The following ZNF804A variants were observed in gnomAD, a reference collection of about 807,000 sequenced individuals.
The protein encoded by ZNF804A is zinc finger protein 804A.
Under a neutral mutation model 16.5 loss-of-function variants are expected in ZNF804A, and 2 were observed. The ratio of observed to expected loss-of-function variants is 0.12; its 90% CI spans 0.05 to 0.38. The LOEUF (loss-of-function observed/expected upper bound fraction) is 0.38. ZNF804A is among the 10% of genes least tolerant of loss of function. ZNF804A has a pLI of 0.99. For missense variants in ZNF804A, 1,473 were observed against 1,390.7 expected (o/e 1.06, Z -0.94); for synonymous variants, 534 against 489.6 (o/e 1.09, Z -1.20).
At chr2:184,639,757 C>T (rs1691761953) in intron 1 of ZNF804A, among the ~76,000 whole-genome samples, 1 of 152,066 alleles carries the variant, frequency 6.6e-6, no homozygotes, top group Admixed American at 6.5e-5. Context: ...AATCCCAGCA[C>T]TTTGGGAGGC....
At chr2:184,678,862 A>C (rs1692485351) in intron 1 of ZNF804A, among the ~76,000 whole-genome samples, 1 of 152,208 alleles carries the variant, frequency 6.6e-6, no homozygotes, top group Non-Finnish European at 1.5e-5. Context: ...TATTCAGGAG[A>C]ATGCAGACAG....
rs1685826861 is a variant in ZNF804A at position 184,938,212 on chromosome 2, G to T, written c.2816G>T (p.Arg939Ile). The stretch of plus-strand genomic sequence containing the variant: ...AATACCCTGCTTGAACACAAAGAAA[G>T]AAGTGAGAATATAAATCTTAATGAA... ...IDNTLLEHKE[R>I]SENINLNEKQ... Residue 939 changes from arginine (R) to isoleucine (I), a missense_variant, in exon 4 of 4, where the codon AGA (arginine) becomes ATA (isoleucine). Physicochemically the swap from Arg to Ile is moderately conservative, Grantham distance 97. Coordinates refer to ENST00000302277, the MANE Select transcript of ZNF804A (RefSeq NM_194250.2). 6.2e-7 allele frequency: 1 copy of T among 1,613,950 alleles called. No individual in the cohort carries two copies. Among genetic ancestry groups the T allele is most frequent in the Admixed American group, 1.7e-5 (1 of 59,980 alleles).
chr2:184,913,464 T>C (rs1029479296), intron 2 of ZNF804A, among the ~76,000 whole-genome samples: 2 of 152,118 alleles, frequency 1.3e-5, no homozygotes, highest in African/African-American at 2.4e-5. Flanking sequence ...TAGCAACAAC[T>C]CCCTCAGCTC....
At chr2:184,670,040 G>A (rs1439703943) in intron 1 of ZNF804A, among the ~76,000 whole-genome samples, 1 of 152,198 alleles carries the variant, frequency 6.6e-6, no homozygotes, top group East Asian at 1.9e-4. Context: ...TGATAGCTTA[G>A]CAGTGTTAAA....
chr2:184,739,014 C>A (rs528332514), intron 1 of ZNF804A, among the ~76,000 whole-genome samples: 1 of 152,096 alleles, frequency 6.6e-6, no homozygotes, highest in African/African-American at 2.4e-5. Context: ...AAATTTTACA[C>A]GATTCTGAAA....
chr2:184,814,219 A>G (rs1694943623), intron 1 of ZNF804A, among the ~76,000 whole-genome samples: 1 of 151,880 alleles, frequency 6.6e-6, no homozygotes, highest in Non-Finnish European at 1.5e-5. Context: ...CATTGCTATT[A>G]AATGAATGGT....
At chr2:184,663,614 A>G (rs561487204) in intron 1 of ZNF804A, among the ~76,000 whole-genome samples, 1 of 152,090 alleles carries the variant, frequency 6.6e-6, no homozygotes, top group Non-Finnish European at 1.5e-5. Context: ...GGCCGGAAGC[A>G]ATGGGGGCCA....
chr2:184,795,156 A>G (rs1300759667), intron 1 of ZNF804A, among the ~76,000 whole-genome samples: 1 of 152,184 alleles, frequency 6.6e-6, no homozygotes. Flanking sequence ...TCCAGGGTAG[A>G]CCATATTTTA....
intron 1 of ZNF804A, among the ~76,000 whole-genome samples, chr2:184,696,355 G>A (rs890168707): frequency 4.6e-5 from 7 of 152,118 alleles, no homozygotes; most frequent in Non-Finnish European, 8.8e-5. Context: ...TCTCATGTAT[G>A]TAGAATCAAA....
intron 1 of ZNF804A, among the ~76,000 whole-genome samples, chr2:184,632,621 GC>G (rs968833125): frequency 6.6e-6 from 1 of 152,120 alleles, no homozygotes; most frequent in African/African-American, 2.4e-5. Context: ...CAAGGGATCT[GC>G]CCGCCTCTGC....
intron 1 of ZNF804A, among the ~76,000 whole-genome samples, chr2:184,794,674 G>A (rs1558963629): frequency 1.3e-5 from 2 of 152,122 alleles, no homozygotes; most frequent in Admixed American, 6.6e-5. Flanking sequence ...AATGTTGAAT[G>A]TAAGCGGCCT....
chr2:184,663,362 T>C (rs537275259), intron 1 of ZNF804A, among the ~76,000 whole-genome samples: 59 of 152,236 alleles, frequency 3.9e-4, no homozygotes, highest in Non-Finnish European at 6.6e-4. Context: ...GTGGTGCTGA[T>C]ATGCCATTCC....
chr2:184,835,642 T>A (rs1436688374), intron 1 of ZNF804A, among the ~76,000 whole-genome samples: 1 of 149,928 alleles, frequency 6.7e-6, no homozygotes, highest in African/African-American at 2.5e-5. Context: ...AGAGAAATAA[T>A]TCATTTAGCT....
intron 1 of ZNF804A, among the ~76,000 whole-genome samples, chr2:184,787,426 C>T (rs992379195): frequency 2.6e-5 from 4 of 151,742 alleles, no homozygotes; most frequent in Non-Finnish European, 5.9e-5. Flanking sequence ...TTTGAGATAC[C>T]TCCATATTGT....
Position 184,896,410 on chromosome 2 carries a change from T to C in ZNF804A, c.255+29898T>C, listed in dbSNP as rs190810023. On this transcript the variant is annotated intron_variant, in intron 2 of 3. Transcript: ENST00000302277. ...TTACCTGAAATTTTCCAGGGAGTCA[T>C]GGCGCCATCAATCAATAGGTTCCTG... Among the ~76,000 whole-genome samples the C allele has an allele frequency of 1.4e-3, 220 of 152,298 alleles. 1 individual carries two copies. The highest frequency in any genetic ancestry group is 4.8e-3 in the African/African-American group (199 of 41,574).
chr2:184,685,305 G>T (rs1332369857), intron 1 of ZNF804A, among the ~76,000 whole-genome samples: 1 of 152,080 alleles, frequency 6.6e-6, no homozygotes, highest in Non-Finnish European at 1.5e-5. Flanking sequence ...GAACTGCAGA[G>T]CCCCAAAGAG....
chr2:184,598,847 G>A lies in ZNF804A; in HGVS notation c.-113G>A. 1 of 535,752 alleles carries A rather than the reference G, an allele frequency of 1.9e-6. No homozygotes were observed. The highest frequency in any genetic ancestry group is 3.1e-6 in the Non-Finnish European group (1 of 325,790). 33.2% of individuals were successfully genotyped at this position (535,752 alleles called of 1,614,324 possible). Reference sequence around the variant, plus strand: ...TCCAGAGGACGTGCCGGGGGTGGCTGCGTGCCCTCGTGGCGGGTTCCCAGC... The same window carrying A: ...TCCAGAGGACGTGCCGGGGGTGGCTACGTGCCCTCGTGGCGGGTTCCCAGC... On this transcript the variant is annotated 5_prime_UTR_variant, in exon 1 of 4. Transcript: ENST00000302277.
chr2:184,806,312 G>C (rs1232766301), intron 1 of ZNF804A, among the ~76,000 whole-genome samples: 2 of 151,654 alleles, frequency 1.3e-5, no homozygotes, highest in African/African-American at 4.8e-5. Flanking sequence ...TTTCTTTATT[G>C]GGGATCAATA....
At chr2:184,884,505 T>TA (rs966837629) in intron 2 of ZNF804A, among the ~76,000 whole-genome samples, 215 of 148,802 alleles carry the variant, frequency 1.4e-3, no homozygotes, top group African/African-American at 4.8e-3. Flanking sequence ...CAACCCTACT[T>TA]AAAAAAAAAA....
Sources: allele counts gnomAD v4.1 joint callset (sites outside exome capture counted in the v4.1 genomes callset), GRCh38; gene constraint gnomAD v4.1.1; transcripts MANE v1.5; gene names NCBI Gene and HGNC (gene_info 2026-07-23, HGNC 2026-07-21).